Variants in LRP1B observed in about 807,000 individuals in gnomAD.
LRP1B encodes low-density lipoprotein receptor-related protein 1B.
In LRP1B, 217 loss-of-function variants were observed where a neutral mutation model predicts 556.6. The ratio of observed to expected loss-of-function variants is 0.39; its 90% CI spans 0.35 to 0.44. The LOEUF (loss-of-function observed/expected upper bound fraction) is 0.44. Ranked by LOEUF, LRP1B falls within the 20% of genes least tolerant of loss-of-function variation. LRP1B has a pLI of 1.00. For missense variants in LRP1B, 5,053 were observed against 5,620.8 expected, an observed-to-expected ratio of 0.90 and a Z score of 3.23; for synonymous variants, 2,047 against 1,865.8, an observed-to-expected ratio of 1.10 and a Z score of -2.50.
chr2:141,503,409 T>G (rs1402905288), intron 2 of LRP1B, among the ~76,000 whole-genome samples: 1 of 151,792 alleles, frequency 6.6e-6, no homozygotes, highest in Non-Finnish European at 1.5e-5. Context: ...TTCCAACCGT[T>G]GGTGATATAA....
At position 141,810,292 on chromosome 2, in the gene LRP1B, C is replaced by T; in HGVS notation, c.192G>A (p.Glu64=). ...CTTTCTACTCACAGGTATCTAAAGA[C>T]TCGTCTGAATCATCAGGGCAGTCAG... ...GDPDCPDDSD[E]SLDTCPEEVE... The change falls in exon 2 of 91, where the codon GAG becomes GAA. Residue 64 remains glutamate, a synonymous_variant. Coordinates refer to ENST00000389484, the MANE Select transcript of LRP1B (RefSeq NM_018557.3). The T allele has an allele frequency of 2.5e-6, 4 of 1,613,030 alleles. No individual in the cohort carries two copies. Among genetic ancestry groups the T allele is most frequent in the Non-Finnish European group, 3.4e-6 (4 of 1,179,380 alleles).
chr2:141,926,931 A>G (rs930810659), intron 1 of LRP1B, among the ~76,000 whole-genome samples: 1 of 152,150 alleles, frequency 6.6e-6, no homozygotes, highest in African/African-American at 2.4e-5. Flanking sequence ...ATATGATACA[A>G]AATTAGGTTC....
intron 2 of LRP1B, among the ~76,000 whole-genome samples, chr2:141,694,067 G>A (rs188129327): frequency 6.6e-6 from 1 of 152,104 alleles, no homozygotes; most frequent in Admixed American, 6.6e-5. Context: ...ACAAGATCGC[G>A]GAATGTAAAT....
intron 43 of LRP1B, among the ~76,000 whole-genome samples, chr2:140,567,968 G>C (rs1681185718): frequency 6.6e-6 from 1 of 152,130 alleles, no homozygotes; most frequent in Non-Finnish European, 1.5e-5. Flanking sequence ...AGACCCATCT[G>C]TGGATAAACA....
intron 3 of LRP1B, among the ~76,000 whole-genome samples, chr2:141,468,624 G>A (rs972889677): frequency 6.6e-6 from 1 of 151,924 alleles, no homozygotes; most frequent in East Asian, 1.9e-4. Flanking sequence ...AAACTTCTTT[G>A]AGACCACTAA....
chr2:140,881,456 T>A (rs1693472816), intron 25 of LRP1B, among the ~76,000 whole-genome samples: 1 of 152,108 alleles, frequency 6.6e-6, no homozygotes, highest in Non-Finnish European at 1.5e-5. Flanking sequence ...GATGTTTATA[T>A]AAACTTTATA....
chr2:140,443,915 T>C (rs1686538746), intron 65 of LRP1B, among the ~76,000 whole-genome samples: 1 of 152,212 alleles, frequency 6.6e-6, no homozygotes, highest in Admixed American at 6.5e-5. Flanking sequence ...GAGTGCAACA[T>C]GTATTTCATG....
At chr2:141,295,746 A>AACACACACACACACACACACAC (rs376812743) in intron 3 of LRP1B, among the ~76,000 whole-genome samples, 2,036 of 130,544 alleles carry the variant, frequency 0.016, 75 homozygotes, top group Admixed American at 0.039. Context: ...TGAGGAGAGA[A>AACACACACACACACACACACAC]ACACACACAC....
chr2:140,592,535 G>A (rs1682268994), intron 43 of LRP1B, among the ~76,000 whole-genome samples: 1 of 151,674 alleles, frequency 6.6e-6, no homozygotes, highest in Admixed American at 6.6e-5. Context: ...TCAAACCTAT[G>A]TTGTGAGAAA....
chr2:141,260,945 C>G (rs1684658965), intron 3 of LRP1B, among the ~76,000 whole-genome samples: 1 of 152,032 alleles, frequency 6.6e-6, no homozygotes, highest in Admixed American at 6.6e-5. Context: ...TATCCAACAA[C>G]TAGAACCATA....
intron 1 of LRP1B, among the ~76,000 whole-genome samples, chr2:142,113,082 C>G (rs576640460): frequency 6.6e-6 from 1 of 152,106 alleles, no homozygotes; most frequent in East Asian, 1.9e-4. Context: ...AGGCTTTATG[C>G]ATTATTCTCC....
rs1285925032 is a variant in LRP1B, at chr2:141,964,096, G to A, written c.83-153695C>T. ...ACCACTGCTCAAGGAAATAAAAGAG[G>A]ATACAAACAAATGGAAGAACATTCC... On this transcript the variant is annotated intron_variant, in intron 1 of 90. Transcript: ENST00000389484. Among the ~76,000 whole-genome samples the A allele has an allele frequency of 1.2e-3, 169 of 142,720 alleles. 1 individual carries two copies. The highest frequency in any genetic ancestry group is 2.2e-3 in the Non-Finnish European group (145 of 65,506). 93.6% of individuals were successfully genotyped at this position (142,720 alleles called of 152,430 possible). A position where few individuals can be genotyped will look rare whatever the true frequency, so the allele number is the denominator to read the frequency against.
intron 67 of LRP1B, among the ~76,000 whole-genome samples, chr2:140,383,883 T>G (rs1049348756): frequency 3.9e-5 from 6 of 152,180 alleles, no homozygotes; most frequent in Admixed American, 1.3e-4. Context: ...TTGCAAGCAC[T>G]TCCCCTGCTT....
In LRP1B at chr2:141,793,879, C is replaced by T. The variant is rs114363641; in HGVS notation, c.205+16400G>A. Among the ~76,000 whole-genome samples the T allele has an allele frequency of 7.5e-3, 1,144 of 151,632 alleles. 13 individuals carry two copies. Among genetic ancestry groups the T allele is most frequent in the African/African-American group, 0.027 (1,111 of 41,422 alleles). ...CTGTACATAGAGAGGAGTTTTTATC[C>T]TTACTTATTCCAATTAAGTCGGAAT... On this transcript the variant is annotated intron_variant, in intron 2 of 90. Transcript: ENST00000389484.
chr2:140,606,969 A>C (rs1473636080), intron 41 of LRP1B, among the ~76,000 whole-genome samples: 1 of 152,092 alleles, frequency 6.6e-6, no homozygotes, highest in Non-Finnish European at 1.5e-5. Context: ...ATCAAAATGA[A>C]AAACTTGTAT....
chr2:140,393,359 T>A (rs1684109773), intron 66 of LRP1B, among the ~76,000 whole-genome samples: 1 of 152,160 alleles, frequency 6.6e-6, no homozygotes, highest in South Asian at 2.1e-4. Flanking sequence ...ATGTTTTAGT[T>A]GTTTAGAAAA....
intron 83 of LRP1B, among the ~76,000 whole-genome samples, chr2:140,304,647 C>T (rs1471587156): frequency 6.6e-6 from 1 of 152,136 alleles, no homozygotes; most frequent in African/African-American, 2.4e-5. Context: ...TGTGCAGAAG[C>T]TCTTGAGTTT....
At chr2:141,997,505 CAG>C (rs1702532507) in intron 1 of LRP1B, among the ~76,000 whole-genome samples, 1 of 148,118 alleles carries the variant, frequency 6.8e-6, no homozygotes, top group African/African-American at 2.5e-5. Flanking sequence ...TTTCTTGACA[CAG>C]GGTATTGCTC....
chr2:141,988,091 G>A (rs977478748), intron 1 of LRP1B, among the ~76,000 whole-genome samples: 1 of 151,688 alleles, frequency 6.6e-6, no homozygotes, highest in Non-Finnish European at 1.5e-5. Flanking sequence ...AACTCATTCT[G>A]AAAATCAACT....
Sources: gnomAD v4.1 joint callset for allele counts (sites outside exome capture counted in the v4.1 genomes callset) on GRCh38, gnomAD v4.1.1 for gene constraint, MANE v1.5 for transcripts, NCBI Gene and HGNC (gene_info 2026-07-23, HGNC 2026-07-21) for gene names.